Variants in PALM2AKAP2 observed in about 807,000 individuals in gnomAD.
PALM2AKAP2 encodes the protein PALM2 and AKAP2 fusion.
Under a neutral mutation model 71.5 loss-of-function variants are expected in PALM2AKAP2, and 37 were observed. That is an observed-to-expected ratio of 0.52 (90% CI 0.40 to 0.68). PALM2AKAP2 has a LOEUF of 0.68. PALM2AKAP2 is among the 30% of genes least tolerant of loss of function. The probability of loss-of-function intolerance (pLI) is 0.00; values close to 1 mark genes in which losing one functional copy is unlikely to be tolerated. For synonymous variants in PALM2AKAP2, 468 were observed against 478.8 expected (o/e 0.98, Z 0.29); for missense variants, 1,224 against 1,191.8 (o/e 1.03, Z -0.40).
At chr9:110,007,361 A>G (rs1832804697) in intron 6 of PALM2AKAP2, among the ~76,000 whole-genome samples, 1 of 152,226 alleles carries the variant, frequency 6.6e-6, no homozygotes, top group Admixed American at 6.5e-5. Flanking sequence ...CAGTATGAGG[A>G]TGACTGTTCC....
At chr9:110,001,719 A>T (rs1314754320) in intron 6 of PALM2AKAP2, among the ~76,000 whole-genome samples, 1 of 152,148 alleles carries the variant, frequency 6.6e-6, no homozygotes, top group Non-Finnish European at 1.5e-5. Context: ...CTCCTTGAAG[A>T]GGTCCTTCAT....
At chr9:110,162,036 G>A (rs1485414063) in intron 3 of PALM2AKAP2, 58 bp from the exon 10 acceptor site, 3 of 1,595,086 alleles carry the variant, frequency 1.9e-6, no homozygotes, top group South Asian at 1.1e-5. Flanking sequence ...CGGCTAGGGG[G>A]TGTTCTGTAA....
At chr9:109,701,352 G>A (rs1323620068) in intron 1 of PALM2AKAP2, among the ~76,000 whole-genome samples, 1 of 152,120 alleles carries the variant, frequency 6.6e-6, no homozygotes, top group Non-Finnish European at 1.5e-5. Context: ...TATACTACAA[G>A]GCTATAGTAA....
intron 7 of PALM2AKAP2, among the ~76,000 whole-genome samples, chr9:110,020,080 G>C (rs1414523180): frequency 6.6e-6 from 1 of 151,864 alleles, no homozygotes; most frequent in Admixed American, 6.6e-5. Context: ...ATATATCCTT[G>C]CAATATCAGC....
chr9:109,901,161 T>G (rs184887061), intron 3 of PALM2AKAP2, among the ~76,000 whole-genome samples: 19 of 152,318 alleles, frequency 1.2e-4, no homozygotes, highest in Non-Finnish European at 1.0e-4. Context: ...GCTCCAGAAC[T>G]GGACCTGAGT....
At chr9:109,803,923 G>C (rs1379706548) in intron 1 of PALM2AKAP2, among the ~76,000 whole-genome samples, 1 of 152,186 alleles carries the variant, frequency 6.6e-6, no homozygotes, top group Non-Finnish European at 1.5e-5. Flanking sequence ...GAGCCCCATG[G>C]CTATGTTCCA....
At chr9:110,162,470 A>G (rs1048403983) in intron 3 of PALM2AKAP2, among the ~76,000 whole-genome samples, 3 of 152,222 alleles carry the variant, frequency 2.0e-5, no homozygotes, top group Non-Finnish European at 4.4e-5. Flanking sequence ...TTAGGCATTA[A>G]TAGCAAGTAT....
At chr9:109,896,888 C>A (rs930419882) in intron 3 of PALM2AKAP2, among the ~76,000 whole-genome samples, 1 of 152,178 alleles carries the variant, frequency 6.6e-6, no homozygotes, top group African/African-American at 2.4e-5. Flanking sequence ...CTTCAGATGG[C>A]AAAATCTCAC....
intron 1 of PALM2AKAP2, among the ~76,000 whole-genome samples, chr9:110,133,722 G>T (rs1030523775): frequency 3.3e-5 from 5 of 151,972 alleles, no homozygotes; most frequent in Admixed American, 6.6e-5. Context: ...TTCCCATGCA[G>T]AATATTAGCA....
intron 6 of PALM2AKAP2, among the ~76,000 whole-genome samples, chr9:109,992,162 C>T (rs1029327381): frequency 5.3e-5 from 8 of 152,110 alleles, no homozygotes; most frequent in African/African-American, 1.7e-4. Flanking sequence ...GGGGTGCTTC[C>T]GGGCCTCTCT....
chr9:109,705,019 A>G (rs1348935447), intron 1 of PALM2AKAP2, among the ~76,000 whole-genome samples: 1 of 152,174 alleles, frequency 6.6e-6, no homozygotes. Context: ...CTACATCTGG[A>G]AAAGAAAGAT....
intron 2 of PALM2AKAP2, among the ~76,000 whole-genome samples, chr9:109,873,545 A>G (rs1829654790): frequency 6.6e-6 from 1 of 152,330 alleles, no homozygotes; most frequent in East Asian, 1.9e-4. Context: ...AGCCAATATC[A>G]GCTTCAGCCA....
At chr9:109,888,711 C>CAAAAAAAAAA (rs34495775) in intron 3 of PALM2AKAP2, among the ~76,000 whole-genome samples, 3 of 98,826 alleles carry the variant, frequency 3.0e-5, no homozygotes, top group Non-Finnish European at 5.7e-5. Context: ...ATTTTGCCTC[C>CAAAAAAAAAA]AAAAAAAAAA....
At chr9:109,796,714 A>G (rs1001245888) in intron 1 of PALM2AKAP2, among the ~76,000 whole-genome samples, 2 of 152,202 alleles carry the variant, frequency 1.3e-5, no homozygotes, top group Admixed American at 6.5e-5. Flanking sequence ...GTGTAGGAGT[A>G]ACTGTCAAAC....
intron 1 of PALM2AKAP2, among the ~76,000 whole-genome samples, chr9:110,109,014 C>T (rs913574906): frequency 2.6e-5 from 4 of 151,788 alleles, no homozygotes; most frequent in African/African-American, 9.7e-5. Context: ...CAGGGTGGTA[C>T]GTTGTTAAAA....
chr9:109,875,207 C>G (rs1474262628), intron 2 of PALM2AKAP2, among the ~76,000 whole-genome samples: 1 of 152,196 alleles, frequency 6.6e-6, no homozygotes, highest in East Asian at 1.9e-4. Context: ...GTACATTTGC[C>G]AGTCCCTCCA....
chr9:110,048,829 T>C (rs1411597931), exon 1 of PALM2AKAP2: 1 of 1,529,148 alleles, frequency 6.5e-7, no homozygotes, highest in Admixed American at 2.0e-5. Context: ...ACCCCAGGAC[T>C]GCGCCCCCGG....
At chr9:109,902,861 G>A (rs1383441222) in intron 3 of PALM2AKAP2, among the ~76,000 whole-genome samples, 1 of 152,184 alleles carries the variant, frequency 6.6e-6, no homozygotes, top group Non-Finnish European at 1.5e-5. Flanking sequence ...CAAGTGAGAA[G>A]AGAACATGAA....
At chr9:110,149,108 G>A (rs1184419703) in intron 2 of PALM2AKAP2, among the ~76,000 whole-genome samples, 1 of 152,208 alleles carries the variant, frequency 6.6e-6, no homozygotes, top group African/African-American at 2.4e-5. Context: ...GCCAAGGCAT[G>A]GCTTGCTTTC....
Sources: allele counts gnomAD v4.1 joint callset (sites outside exome capture counted in the v4.1 genomes callset), GRCh38; gene constraint gnomAD v4.1.1; transcripts MANE v1.5; gene names NCBI Gene and HGNC (gene_info 2026-07-23, HGNC 2026-07-21).